LUZP2: variants seen among roughly 807,000 people sequenced by gnomAD.
The protein encoded by LUZP2 is leucine zipper protein 2.
LUZP2 carries 52 observed loss-of-function variants against 51.6 expected under a neutral mutation model. The ratio of observed to expected loss-of-function variants is 1.01; its 90% CI spans 0.81 to 1.27. LUZP2 has a LOEUF of 1.27. LUZP2 is among the 50% of genes most tolerant of loss of function. The pLI, the probability that LUZP2 is intolerant of heterozygous loss-of-function variation, is 0.00. For missense variants in LUZP2, 436 were observed against 395.4 expected (o/e 1.10, Z -0.87); for synonymous variants, 154 against 137.3 (o/e 1.12, Z -0.85).
chr11:24,540,253 A>G (rs1851316501), intron 1 of LUZP2, among the ~76,000 whole-genome samples: 1 of 152,066 alleles, frequency 6.6e-6, no homozygotes, highest in Non-Finnish European at 1.5e-5. Flanking sequence ...TAGGGGAGTG[A>G]AGTGTTATAG....
chr11:25,057,166 C>T (rs1050017092), intron 10 of LUZP2, among the ~76,000 whole-genome samples: 34 of 152,018 alleles, frequency 2.2e-4, no homozygotes, highest in African/African-American at 8.0e-4. Context: ...CATAGATATC[C>T]TTATTAGCTC....
chr11:25,007,555 C>T (rs1480056105), intron 9 of LUZP2, among the ~76,000 whole-genome samples: 1 of 152,034 alleles, frequency 6.6e-6, no homozygotes. Flanking sequence ...GTGGGCCGAG[C>T]TCACACCACT....
chr11:24,674,088 A>G (rs936717015), intron 1 of LUZP2, among the ~76,000 whole-genome samples: 1 of 152,202 alleles, frequency 6.6e-6, no homozygotes, highest in African/African-American at 2.4e-5. Context: ...GCCATTTATC[A>G]TTAACTTACT....
intron 1 of LUZP2, among the ~76,000 whole-genome samples, chr11:24,644,234 C>CT (rs1408990429): frequency 6.6e-6 from 1 of 152,128 alleles, no homozygotes; most frequent in South Asian, 2.1e-4. Context: ...ATGCTTGACT[C>CT]TTTCTTATGT....
intron 5 of LUZP2, among the ~76,000 whole-genome samples, chr11:24,905,415 C>A (rs1229954508): frequency 6.6e-6 from 1 of 152,068 alleles, no homozygotes; most frequent in Non-Finnish European, 1.5e-5. Context: ...GTAATCCCAG[C>A]TACCTGAGAG....
At chr11:24,902,016 A>G (rs548334894) in intron 5 of LUZP2, among the ~76,000 whole-genome samples, 1 of 152,292 alleles carries the variant, frequency 6.6e-6, no homozygotes, top group Admixed American at 6.5e-5. Flanking sequence ...AACATAGGTT[A>G]ATATTTGCCG....
At chr11:24,997,053 A>G (rs954624212) in intron 9 of LUZP2, among the ~76,000 whole-genome samples, 62 of 148,816 alleles carry the variant, frequency 4.2e-4, no homozygotes, top group African/African-American at 1.5e-3. Context: ...AGTCTTTGCT[A>G]TTGTGAATAG....
chr11:24,537,405 C>CTG (rs1851210931), intron 1 of LUZP2, among the ~76,000 whole-genome samples: 2 of 151,912 alleles, frequency 1.3e-5, no homozygotes, highest in African/African-American at 4.8e-5. Context: ...TTGACATACA[C>CTG]AAGCCTACTG....
rs189003857 is a variant in LUZP2, at chr11:25,025,962, C to T, written c.766-24076C>T. Among the ~76,000 whole-genome samples the T allele has an allele frequency of 3.7e-4, 56 of 152,122 alleles. 1 individual carries two copies. In the East Asian group the frequency reaches 7.2e-3, roughly 19 times the overall value. ...TATACACCATGGAATTCTATGCAGC[C>T]ATAGAAAGAATGAGTTCATGTCCTT... On this transcript the variant is annotated intron_variant, in intron 9 of 11. Coordinates refer to ENST00000336930, the MANE Select transcript of LUZP2 (RefSeq NM_001009909.4).
intron 1 of LUZP2, among the ~76,000 whole-genome samples, chr11:24,554,296 A>G (rs180778932): frequency 6.6e-6 from 1 of 152,298 alleles, no homozygotes; most frequent in Admixed American, 6.5e-5. Context: ...GATGAACTAA[A>G]GAGACTATTG....
At position 24,643,809 on chromosome 11, in the gene LUZP2, G is replaced by C. The variant is rs117940708; in HGVS notation, c.63-85360G>C. On this transcript the variant is annotated intron_variant, in intron 1 of 11. Coordinates refer to ENST00000336930, the MANE Select transcript of LUZP2 (RefSeq NM_001009909.4). Reference sequence around the variant, plus strand: ...TAGTTTGTACACTATCTTTATAAGAGTTTCTTCATAAAGACTTCCAGTGTT... The same window carrying C: ...TAGTTTGTACACTATCTTTATAAGACTTTCTTCATAAAGACTTCCAGTGTT... Among the ~76,000 whole-genome samples, 49 of 152,226 alleles carry C rather than the reference G, an allele frequency of 3.2e-4. No individual in the cohort carries two copies. The East Asian group carries it at 8.3e-3, about 26-fold the overall frequency.
intron 6 of LUZP2, among the ~76,000 whole-genome samples, chr11:24,911,132 A>G (rs1334227146): frequency 1.3e-5 from 2 of 152,136 alleles, no homozygotes; most frequent in Admixed American, 1.3e-4. Flanking sequence ...TGGAATGGGT[A>G]TATTTACCCA....
At chr11:24,976,849 T>A (rs2133905095) in intron 8 of LUZP2, among the ~76,000 whole-genome samples, 184 bp downstream of exon 8, 1 of 151,986 alleles carries the variant, frequency 6.6e-6, no homozygotes, top group Non-Finnish European at 1.5e-5. Context: ...ACTATTTCTT[T>A]GTTTTTGCTG....
At chr11:24,575,858 CTTCT>C (rs897946336) in intron 1 of LUZP2, among the ~76,000 whole-genome samples, 2 of 151,778 alleles carry the variant, frequency 1.3e-5, no homozygotes, top group African/African-American at 4.8e-5. Context: ...TTTTTATTTC[CTTCT>C]ATTTTCCTCC....
chr11:24,907,368 C>A (rs1441144577), intron 6 of LUZP2, among the ~76,000 whole-genome samples: 3 of 149,790 alleles, frequency 2.0e-5, no homozygotes, highest in Non-Finnish European at 4.4e-5. Context: ...TTTATAATAT[C>A]TTTCCTATAA....
At chr11:24,741,676 ATTCCTGAG>A (rs1442152580) in intron 4 of LUZP2, among the ~76,000 whole-genome samples, 2 of 151,058 alleles carry the variant, frequency 1.3e-5, no homozygotes, top group East Asian at 3.9e-4. Flanking sequence ...TTCGTTTTCC[ATTCCTGAG>A]TTACTTCACT....
chr11:25,061,988 A>G (rs1858851947), intron 10 of LUZP2, among the ~76,000 whole-genome samples: 2 of 151,858 alleles, frequency 1.3e-5, no homozygotes, highest in Non-Finnish European at 2.9e-5. Flanking sequence ...TGCCAGCTAT[A>G]CACAGATAAG....
chr11:24,904,788 T>C (rs899567536), intron 5 of LUZP2, among the ~76,000 whole-genome samples: 2 of 152,058 alleles, frequency 1.3e-5, no homozygotes, highest in East Asian at 3.9e-4. Context: ...TGACTATAAA[T>C]AAACTAAATT....
At chr11:24,614,338 T>A (rs913368522) in intron 1 of LUZP2, among the ~76,000 whole-genome samples, 1 of 152,020 alleles carries the variant, frequency 6.6e-6, no homozygotes, top group Admixed American at 6.6e-5. Context: ...ACTATAACCA[T>A]CTTTTTCTGA....
Sources: gnomAD v4.1 joint callset for allele counts (sites outside exome capture counted in the v4.1 genomes callset) on GRCh38, gnomAD v4.1.1 for gene constraint, MANE v1.5 for transcripts, NCBI Gene and HGNC (gene_info 2026-07-23, HGNC 2026-07-21) for gene names.